Variants in SGSM1 observed in about 807,000 individuals in gnomAD.
The protein encoded by SGSM1 is RUN and TBC1 domain containing 2.
Under a neutral mutation model 133.8 loss-of-function variants are expected in SGSM1, and 73 were observed. That is an observed-to-expected ratio of 0.55 (90% CI 0.45 to 0.66). The LOEUF (loss-of-function observed/expected upper bound fraction) is 0.66, where lower values mean the gene tolerates loss of function less well. Among genes scored for constraint, SGSM1 ranks in the 30% least tolerant of loss-of-function variants. SGSM1 has a pLI of 0.00. For synonymous variants in SGSM1, 563 were observed against 573.0 expected (o/e 0.98, Z 0.25); for missense variants, 1,213 against 1,448.1 (o/e 0.84, Z 2.64).
intron 2 of SGSM1, among the ~76,000 whole-genome samples, chr22:24,824,640 G>T (rs556519316): frequency 6.6e-6 from 1 of 152,044 alleles, no homozygotes; most frequent in African/African-American, 2.4e-5. Flanking sequence ...TGAGCTCCAC[G>T]GTGGCTATGT....
At chr22:24,889,668 G>A (rs75713952) in intron 16 of SGSM1, among the ~76,000 whole-genome samples, 1 of 106,600 alleles carries the variant, frequency 9.4e-6, no homozygotes, top group African/African-American at 3.6e-5. Context: ...TTTTTTTTTT[G>A]AGATAGAGTC....
At chr22:24,818,012 A>G (rs1166860047) in intron 2 of SGSM1, among the ~76,000 whole-genome samples, 1 of 145,530 alleles carries the variant, frequency 6.9e-6, no homozygotes, top group East Asian at 2.2e-4. Context: ...CGGGTGGATC[A>G]CCTGAGGTCA....
intron 20 of SGSM1, among the ~76,000 whole-genome samples, chr22:24,903,809 T>A (rs1933253716): frequency 6.6e-6 from 1 of 151,744 alleles, no homozygotes; most frequent in Non-Finnish European, 1.5e-5. Flanking sequence ...CTGTCTCTAC[T>A]AAAAATACAA....
intron 16 of SGSM1, among the ~76,000 whole-genome samples, chr22:24,887,737 G>T (rs1932699513): frequency 6.6e-6 from 1 of 152,190 alleles, no homozygotes; most frequent in African/African-American, 2.4e-5. Context: ...TGCAGCCTGG[G>T]CAACATCGGG....
At chr22:24,835,757 G>A (rs1256728016) in intron 2 of SGSM1, among the ~76,000 whole-genome samples, 1 of 151,942 alleles carries the variant, frequency 6.6e-6, no homozygotes, top group Admixed American at 6.6e-5. Context: ...CAGGTGTTGG[G>A]ATGGGGGAGA....
At chr22:24,908,598 C>T (rs553853078) in intron 21 of SGSM1, among the ~76,000 whole-genome samples, 1 of 152,022 alleles carries the variant, frequency 6.6e-6, no homozygotes. Flanking sequence ...GTCAGAAGAT[C>T]GAGACCATCC....
intron 2 of SGSM1, among the ~76,000 whole-genome samples, chr22:24,815,035 G>C (rs1209260694): frequency 6.6e-6 from 1 of 152,230 alleles, no homozygotes; most frequent in Admixed American, 6.5e-5. Flanking sequence ...GGCTAAGAAT[G>C]CTAAACTCAG....
In SGSM1 at chr22:24,870,004, C is replaced by T. The variant is rs113089958; in HGVS notation, c.1291+1149C>T. Among the ~76,000 whole-genome samples, 320 of 152,318 alleles carry T rather than the reference C, an allele frequency of 2.1e-3. 1 individual carries two copies. The highest frequency in any genetic ancestry group is 7.5e-3 in the African/African-American group (312 of 41,560). On this transcript the variant is annotated intron_variant, in intron 12 of 24. Transcript: ENST00000400358. ...TCACTTCATTTTATTTAACATGGAG[C>T]GGCCCTCATGTTCCCATCCGAGGAT...
rs1205450011 is a variant in SGSM1, at chr22:24,855,435, G to A, written c.669+5G>A. The A allele has an allele frequency of 6.2e-7, 1 of 1,613,446 alleles. No homozygotes were observed. Among genetic ancestry groups the A allele is most frequent in the South Asian group, 1.1e-5 (1 of 91,018 alleles). ...ACCAAGCGTCCTGCCCTCTGTGTGAGTGGGGTGGACAGTGGGGCAGTGGGA... is the reference window on the plus strand; with the variant it reads ...ACCAAGCGTCCTGCCCTCTGTGTGAATGGGGTGGACAGTGGGGCAGTGGGA... On this transcript the variant is annotated splice_donor_5th_base_variant and intron_variant, in intron 7 of 24. Transcript: ENST00000400358.
intron 8 of SGSM1, among the ~76,000 whole-genome samples, chr22:24,859,262 G>C (rs1037784044): frequency 3.3e-5 from 5 of 152,148 alleles, no homozygotes; most frequent in Non-Finnish European, 5.9e-5. Flanking sequence ...GGGAGTGTAG[G>C]GGGGGTTTTT....
chr22:24,841,592 G>C (rs192771878), intron 2 of SGSM1, among the ~76,000 whole-genome samples: 1 of 152,232 alleles, frequency 6.6e-6, no homozygotes, highest in Admixed American at 6.5e-5. Flanking sequence ...CTTCTTAGAA[G>C]TGGATGCAGG....
In SGSM1 at chr22:24,901,952, G is replaced by A. The variant is rs1226152345; in HGVS notation, c.2730G>A (p.Met910Ile). The change falls in exon 20 of 25, where the codon ATG (methionine) becomes ATA (isoleucine). Residue 910 changes from methionine to isoleucine, a missense_variant. Met to Ile is a conservative substitution (Grantham distance 10). Transcript: ENST00000400358. ...ACTTGGAGAAGCTGCGTAACATCATGTGCAGGTGGCTGGGGACAGCGAGGG... is the reference window on the plus strand; with the variant it reads ...ACTTGGAGAAGCTGCGTAACATCATATGCAGGTGGCTGGGGACAGCGAGGG... ...PANLEKLRNIMCSYIWQHIEI... is the reference protein window; with the variant it reads ...PANLEKLRNIICSYIWQHIEI... The A allele has an allele frequency of 1.9e-6, 3 of 1,568,652 alleles. No homozygotes were observed. The highest frequency in any genetic ancestry group is 1.9e-5 in the Admixed American group (1 of 53,432).
chr22:24,852,105 T>C (rs974647286), intron 5 of SGSM1, among the ~76,000 whole-genome samples: 12 of 152,216 alleles, frequency 7.9e-5, no homozygotes, highest in Non-Finnish European at 8.8e-5. Flanking sequence ...TTAATTTACA[T>C]TTACATAGAA....
chr22:24,870,385 C>T (rs1230393759), intron 12 of SGSM1, among the ~76,000 whole-genome samples: 1 of 152,218 alleles, frequency 6.6e-6, no homozygotes, highest in Non-Finnish European at 1.5e-5. Context: ...TACTCGAGAG[C>T]CAGTTATCAG....
chr22:24,845,056 A>G (rs1930019767), intron 3 of SGSM1, 84 bp downstream of exon 3: 1 of 1,367,474 alleles, frequency 7.3e-7, no homozygotes, highest in African/African-American at 1.4e-5. Context: ...GTTTTGCTTT[A>G]TGACTCTGAA....
intron 16 of SGSM1, among the ~76,000 whole-genome samples, chr22:24,888,728 G>A (rs1004237383): frequency 2.6e-5 from 4 of 151,940 alleles, no homozygotes; most frequent in Admixed American, 6.6e-5. Flanking sequence ...GCAGTGAGCC[G>A]AAGTCATGCC....
chr22:24,919,745 C>G, intron 23 of SGSM1, 81 bp from the exon 24 acceptor site: 1 of 1,560,488 alleles, frequency 6.4e-7, no homozygotes, highest in Admixed American at 1.7e-5. Flanking sequence ...GATTTTCCCA[C>G]CTTGGGGGGC....
intron 2 of SGSM1, among the ~76,000 whole-genome samples, chr22:24,833,187 G>A (rs746032212): frequency 2.6e-5 from 4 of 151,038 alleles, no homozygotes; most frequent in Non-Finnish European, 5.9e-5. Context: ...TACCCTCCTC[G>A]GCCTCCCAAA....
At chr22:24,820,212 C>G (rs1392969379) in intron 2 of SGSM1, among the ~76,000 whole-genome samples, 1 of 152,118 alleles carries the variant, frequency 6.6e-6, no homozygotes, top group Non-Finnish European at 1.5e-5. Context: ...ACAAGAATGT[C>G]CCCGAGAGAA....
Sources: allele counts gnomAD v4.1 joint callset (sites outside exome capture counted in the v4.1 genomes callset), GRCh38; gene constraint gnomAD v4.1.1; transcripts MANE v1.5; gene names NCBI Gene and HGNC (gene_info 2026-07-23, HGNC 2026-07-21).